Variants in SNAPC1 observed in about 807,000 individuals in gnomAD.
The protein encoded by SNAPC1 is small nuclear RNA activating complex polypeptide 1.
In SNAPC1, 42 loss-of-function variants were observed where a neutral mutation model predicts 50.1. That is an observed-to-expected ratio of 0.84 (90% confidence interval 0.65 to 1.08). SNAPC1 has a LOEUF of 1.08. SNAPC1 is among the 50% of genes least tolerant of loss of function. The pLI is 0.00. For synonymous variants in SNAPC1, 164 were observed against 144.2 expected, an observed-to-expected ratio of 1.14 and a Z score of -0.98; for missense variants, 477 against 427.3, an observed-to-expected ratio of 1.12 and a Z score of -1.02.
At chr14:61,782,861 A>G (rs28547992) in intron 8 of SNAPC1, among the ~76,000 whole-genome samples, 23,073 of 151,990 alleles carry the variant, frequency 0.15, 2,132 homozygotes, top group South Asian at 0.32. Context: ...AGCTGAGATC[A>G]TGTCACTTCA....
intron 4 of SNAPC1, among the ~76,000 whole-genome samples, chr14:61,773,945 G>T (rs1309951693): frequency 1.3e-5 from 2 of 149,330 alleles, no homozygotes; most frequent in Non-Finnish European, 1.5e-5. Flanking sequence ...CTGACCTCAG[G>T]TGATCCGCCT....
chr14:61,789,505 G>A (rs1411835978), intron 8 of SNAPC1, among the ~76,000 whole-genome samples: 2 of 152,100 alleles, frequency 1.3e-5, no homozygotes, highest in Admixed American at 6.6e-5. Context: ...TGTCTGTAAC[G>A]TTTGGATTTT....
intron 8 of SNAPC1, among the ~76,000 whole-genome samples, chr14:61,790,831 T>C (rs2045147148): frequency 6.6e-6 from 1 of 152,184 alleles, no homozygotes; most frequent in Non-Finnish European, 1.5e-5. Flanking sequence ...GTAAATTTGT[T>C]GTTAGTTGCA....
chr14:61,792,765 ATTCTT>A (rs755642452), intron 8 of SNAPC1, 37 bp from the exon 9 acceptor site: 18 of 1,119,098 alleles, frequency 1.6e-5, no homozygotes, highest in Middle Eastern at 2.1e-4. Context: ...AGATTATAAT[ATTCTT>A]TGCTTTCATA....
intron 8 of SNAPC1, among the ~76,000 whole-genome samples, chr14:61,789,679 G>T (rs937863878): frequency 2.0e-5 from 3 of 152,182 alleles, no homozygotes; most frequent in Admixed American, 6.6e-5. Context: ...GGATTGTAAA[G>T]GGGATATGTT....
intron 4 of SNAPC1, among the ~76,000 whole-genome samples, chr14:61,769,235 G>A (rs2044970228): frequency 6.6e-6 from 1 of 151,922 alleles, no homozygotes; most frequent in South Asian, 2.1e-4. Context: ...GCGCACGTCT[G>A]TGGTCCCAGC....
chr14:61,784,621 A>T (rs1000416368), intron 8 of SNAPC1, among the ~76,000 whole-genome samples: 12 of 152,206 alleles, frequency 7.9e-5, no homozygotes, highest in Non-Finnish European at 1.3e-4. Context: ...AACACACACT[A>T]GTGTGGTTGT....
chr14:61,773,692 G>A (rs1483659158), intron 4 of SNAPC1, among the ~76,000 whole-genome samples: 2 of 129,638 alleles, frequency 1.5e-5, no homozygotes, highest in Non-Finnish European at 3.2e-5. Flanking sequence ...CACCATGCCT[G>A]GCCTTTTTTT....
intron 9 of SNAPC1, among the ~76,000 whole-genome samples, chr14:61,794,406 TG>T (rs1008115249): frequency 5.3e-5 from 8 of 151,954 alleles, no homozygotes; most frequent in South Asian, 2.1e-4. Context: ...GTGTTTTTTT[TG>T]TTTGTTTGTT....
rs1267479822 is a variant in SNAPC1 at position 61,786,282 on chromosome 14, A to C, written c.976+3885A>C. ...CACAATAACACGAGCAAATCATGAA[A>C]CAAAAAAAAACTGATAAATTGGCAT... On this transcript the variant is annotated intron_variant, in intron 8 of 9. Coordinates refer to ENST00000216294, the MANE Select transcript of SNAPC1 (RefSeq NM_003082.4). Among the ~76,000 whole-genome samples, 3 of 130,666 alleles carry C rather than the reference A, an allele frequency of 2.3e-5. No homozygotes were observed. In the East Asian group the frequency reaches 6.5e-4, roughly 28 times the overall value. The allele number at this position is 130,666 out of a possible 152,430, so 85.7% of individuals were successfully genotyped here. A position where few individuals can be genotyped will look rare whatever the true frequency, so the allele number is the denominator to read the frequency against.
intron 3 of SNAPC1, 64 bp downstream of exon 3, chr14:61,767,416 C>G (rs1180168775): frequency 9.6e-7 from 1 of 1,040,950 alleles, no homozygotes; most frequent in East Asian, 2.9e-5. Flanking sequence ...GTCCATAAAA[C>G]CTCTCAATCT....
chr14:61,769,363 A>G (rs1374804745), intron 4 of SNAPC1, among the ~76,000 whole-genome samples: 1 of 151,730 alleles, frequency 6.6e-6, no homozygotes, highest in African/African-American at 2.4e-5. Context: ...TTTGAAAAAC[A>G]AAAAAACCAA....
intron 4 of SNAPC1, among the ~76,000 whole-genome samples, chr14:61,771,345 GGA>G (rs1196447761): frequency 6.6e-6 from 1 of 152,192 alleles, no homozygotes; most frequent in African/African-American, 2.4e-5. Flanking sequence ...AGGAAGTAAT[GGA>G]GCTAAGCTTC....
At chr14:61,786,144 T>C (rs2045114577) in intron 8 of SNAPC1, among the ~76,000 whole-genome samples, 1 of 152,086 alleles carries the variant, frequency 6.6e-6, no homozygotes. Context: ...CAAAAAAAAA[T>C]TCAAAATGGA....
At chr14:61,768,475 C>G (rs2044964855) in intron 3 of SNAPC1, among the ~76,000 whole-genome samples, 161 bp from the exon 4 acceptor site, 1 of 152,188 alleles carries the variant, frequency 6.6e-6, no homozygotes, top group African/African-American at 2.4e-5. Flanking sequence ...ACAAGTCTAA[C>G]AGTCTTTGGA....
chr14:61,780,676 G>T (rs1413360547), intron 7 of SNAPC1, among the ~76,000 whole-genome samples: 5 of 152,166 alleles, frequency 3.3e-5, no homozygotes, highest in African/African-American at 1.2e-4. Context: ...CAGAAGCTCT[G>T]TAGTTTAATT....
At chr14:61,779,509 C>T (rs187191865) in intron 7 of SNAPC1, among the ~76,000 whole-genome samples, 255 of 151,912 alleles carry the variant, frequency 1.7e-3, no homozygotes, top group South Asian at 3.9e-3. Flanking sequence ...AAAAAAATTT[C>T]CCCTGATATT....
intron 8 of SNAPC1, among the ~76,000 whole-genome samples, chr14:61,787,407 T>A (rs201112730): frequency 0.017 from 2,546 of 151,650 alleles, 66 homozygotes; most frequent in African/African-American, 0.057. Flanking sequence ...TTTTTTTTTT[T>A]AAAGAAAATG....
intron 8 of SNAPC1, 64 bp downstream of exon 8, chr14:61,782,461 TCA>T: frequency 7.8e-7 from 1 of 1,286,348 alleles, no homozygotes; most frequent in Non-Finnish European, 1.1e-6. Context: ...CAACTTTGCC[TCA>T]TGTTTATTTC....
Sources: gnomAD v4.1 joint callset for allele counts (sites outside exome capture counted in the v4.1 genomes callset) on GRCh38, gnomAD v4.1.1 for gene constraint, MANE v1.5 for transcripts, NCBI Gene and HGNC (gene_info 2026-07-23, HGNC 2026-07-21) for gene names.